The following CCDC191 variants were observed in gnomAD, a reference collection of about 807,000 sequenced individuals.
The protein encoded by CCDC191 is coiled-coil domain-containing protein 191.
A neutral mutation model predicts 114.0 loss-of-function variants in CCDC191; 99 were observed. The observed-to-expected ratio is 0.87, with a 90% confidence interval of 0.74 to 1.03. The LOEUF is 1.03. Among genes scored for constraint, CCDC191 ranks in the 50% least tolerant of loss-of-function variants. The pLI is 0.00. For synonymous variants in CCDC191, 351 were observed against 376.0 expected (o/e 0.93, Z 0.77); for missense variants, 973 against 1,087.0 (o/e 0.90, Z 1.47).
At chr3:114,030,021 T>G (rs568450400) in intron 7 of CCDC191, among the ~76,000 whole-genome samples, 1 of 152,086 alleles carries the variant, frequency 6.6e-6, no homozygotes, top group Non-Finnish European at 1.5e-5. Flanking sequence ...GGGTCTATGG[T>G]TTAGTTAATG....
intron 2 of CCDC191, 63 bp from the exon 3 acceptor site, chr3:114,046,795 T>G (rs2076636497): frequency 6.7e-7 from 1 of 1,501,752 alleles, no homozygotes; most frequent in East Asian, 2.3e-5. Flanking sequence ...TTAGAGAATT[T>G]CTCTCCTACT....
At position 114,018,699 on chromosome 3, in the gene CCDC191, T is replaced by C. The variant is rs1368032938; in HGVS notation, c.1142A>G (p.Asn381Ser). Residue 381 changes from asparagine (N) to serine (S), a missense_variant, in exon 8 of 17, where the codon AAT becomes AGT. By Grantham distance (46) the Asn-to-Ser change is conservative. Coordinates refer to ENST00000295878, the MANE Select transcript of CCDC191 (RefSeq NM_020817.2). ...KLERETQALE[N>S]DLREENRKQQ... ...ATACCTGTTTTCTTCCCTAAGATCA[T>C]TTTCCAAGGCTTGAGTCTCCCGCTC... The C allele has an allele frequency of 1.2e-6, 2 of 1,611,258 alleles. No homozygotes were observed. Among genetic ancestry groups the C allele is most frequent in the South Asian group, 2.2e-5 (2 of 90,586 alleles).
chr3:113,966,901 C>A (rs139893038), intron 16 of CCDC191, among the ~76,000 whole-genome samples: 3,942 of 152,108 alleles, frequency 0.026, 89 homozygotes, highest in Non-Finnish European at 0.036. Context: ...GAGTTCAAGA[C>A]TAGCCTGGCC....
intron 2 of CCDC191, among the ~76,000 whole-genome samples, chr3:114,047,518 C>T (rs2076646006): frequency 6.6e-6 from 1 of 152,002 alleles, no homozygotes; most frequent in Non-Finnish European, 1.5e-5. Flanking sequence ...AAAAAATTAG[C>T]CGGGTGTGGT....
intron 2 of CCDC191, among the ~76,000 whole-genome samples, chr3:114,048,698 C>T (rs2076662395): frequency 1.3e-5 from 2 of 152,174 alleles, no homozygotes; most frequent in African/African-American, 4.8e-5. Flanking sequence ...CACTCTCCTC[C>T]AGCTCTCCTT....
intron 7 of CCDC191, among the ~76,000 whole-genome samples, chr3:114,029,335 T>C (rs2076371337): frequency 1.3e-5 from 2 of 152,034 alleles, no homozygotes; most frequent in Admixed American, 1.3e-4. Flanking sequence ...ATAAAATAAA[T>C]ATCAATGAGC....
intron 2 of CCDC191, among the ~76,000 whole-genome samples, chr3:114,048,642 C>G (rs531413346): frequency 1.8e-3 from 268 of 152,296 alleles, no homozygotes; most frequent in Non-Finnish European, 1.6e-3. Context: ...TCAAATGTCA[C>G]CTTCCCAGTA....
chr3:113,994,889 A>C (rs960414276), intron 13 of CCDC191, among the ~76,000 whole-genome samples: 1 of 152,138 alleles, frequency 6.6e-6, no homozygotes, highest in Non-Finnish European at 1.5e-5. Context: ...CTGAAAACTT[A>C]TGAGTCCAAA....
intron 16 of CCDC191, among the ~76,000 whole-genome samples, chr3:113,975,602 A>AATT (rs1941264199): frequency 6.6e-6 from 1 of 152,180 alleles, no homozygotes; most frequent in African/African-American, 2.4e-5. Flanking sequence ...GTAAACAGTA[A>AATT]ATTATATACT....
chr3:114,015,200 A>G (rs1226788960), intron 8 of CCDC191, among the ~76,000 whole-genome samples: 1 of 152,150 alleles, frequency 6.6e-6, no homozygotes, highest in Non-Finnish European at 1.5e-5. Context: ...AGTGAGAATT[A>G]CAGTAACAAA....
intron 4 of CCDC191, among the ~76,000 whole-genome samples, chr3:114,037,657 A>G (rs2076504228): frequency 6.6e-6 from 1 of 152,172 alleles, no homozygotes; most frequent in African/African-American, 2.4e-5. Flanking sequence ...GATTGGTTCC[A>G]GGACCTCCCG....
At chr3:113,969,907 A>C (rs1940628558) in intron 16 of CCDC191, among the ~76,000 whole-genome samples, 2 of 152,112 alleles carry the variant, frequency 1.3e-5, no homozygotes, top group African/African-American at 4.8e-5. Context: ...ATTTTGATAG[A>C]GATTGCATTG....
chr3:113,985,994 T>A (rs1236694335), intron 13 of CCDC191, among the ~76,000 whole-genome samples: 1 of 152,078 alleles, frequency 6.6e-6, no homozygotes, highest in Non-Finnish European at 1.5e-5. Flanking sequence ...AGAACAAGGC[T>A]CAGATATGAC....
At chr3:114,025,373 C>T (rs1389241314) in intron 7 of CCDC191, among the ~76,000 whole-genome samples, 1 of 151,996 alleles carries the variant, frequency 6.6e-6, no homozygotes, top group South Asian at 2.1e-4. Flanking sequence ...TATTTCATCT[C>T]TCCCCCCACC....
At chr3:113,973,759 G>A (rs1941054736) in intron 16 of CCDC191, among the ~76,000 whole-genome samples, 1 of 151,854 alleles carries the variant, frequency 6.6e-6, no homozygotes, top group South Asian at 2.1e-4. Flanking sequence ...CTTTGTCCTT[G>A]ACGTTTGAGA....
chr3:113,966,092 A>C (rs1407304889), intron 16 of CCDC191, among the ~76,000 whole-genome samples: 2 of 152,158 alleles, frequency 1.3e-5, no homozygotes, highest in Non-Finnish European at 2.9e-5. Context: ...CGCAAAAATG[A>C]TGGAAAATTG....
intron 16 of CCDC191, among the ~76,000 whole-genome samples, chr3:113,971,721 T>A (rs548029544): frequency 6.7e-6 from 1 of 150,052 alleles, no homozygotes; most frequent in East Asian, 1.9e-4. Context: ...TCCTCTTCAG[T>A]TTTTTTTTGA....
chr3:113,967,661 G>A (rs1940348978), intron 16 of CCDC191, among the ~76,000 whole-genome samples: 1 of 151,830 alleles, frequency 6.6e-6, no homozygotes. Flanking sequence ...ATTCTCTTCT[G>A]GTTATTTTGA....
In CCDC191 at chr3:114,035,038, C is replaced by G; in HGVS notation, c.705G>C (p.Lys235Asn). The change falls in exon 6 of 17, where the codon AAG (lysine) becomes AAC (asparagine). Residue 235 changes from lysine (K) to asparagine (N), a missense_variant. Transcript: ENST00000295878. ...TCTTGGCCTCCAGAGCCTTCCTTTT[C>G]TTCTCTTCTTGCACCAGACACTGAG... Reference protein sequence around the residue: ...LEAQCLVQEEKKRKALEAKKE... With the variant: ...LEAQCLVQEENKRKALEAKKE... 6.2e-7 allele frequency: 1 copy of G among 1,614,116 alleles called. No individual in the cohort carries two copies.
Sources: gnomAD v4.1 joint callset for allele counts (sites outside exome capture counted in the v4.1 genomes callset) on GRCh38, gnomAD v4.1.1 for gene constraint, MANE v1.5 for transcripts, NCBI Gene and HGNC (gene_info 2026-07-23, HGNC 2026-07-21) for gene names.